The following RARA variants were observed in gnomAD, a reference collection of about 807,000 sequenced individuals.
RARA encodes the protein retinoic acid receptor alpha.
Under a neutral mutation model 42.8 loss-of-function variants are expected in RARA, and 5 were observed. The ratio of observed to expected loss-of-function variants is 0.12; its 90% CI spans 0.06 to 0.25. The LOEUF (loss-of-function observed/expected upper bound fraction) is 0.25, where lower values mean the gene tolerates loss of function less well. Among genes scored for constraint, RARA ranks in the 10% least tolerant of loss-of-function variants. The pLI is 1.00. For missense variants in RARA, 402 were observed against 628.7 expected, an observed-to-expected ratio of 0.64 and a Z score of 3.86; for synonymous variants, 256 against 259.5, an observed-to-expected ratio of 0.99 and a Z score of 0.13.
intron 1 of RARA, among the ~76,000 whole-genome samples, chr17:40,330,384 G>T (rs1224773384): frequency 6.6e-6 from 1 of 152,158 alleles, no homozygotes; most frequent in African/African-American, 2.4e-5. Flanking sequence ...TTGGATCTGG[G>T]GGGGAAGTGG....
At chr17:40,317,773 C>CA (rs1025540518) in intron 1 of RARA, among the ~76,000 whole-genome samples, 2 of 151,722 alleles carry the variant, frequency 1.3e-5, no homozygotes, top group Non-Finnish European at 2.9e-5. Flanking sequence ...CAAGGTCACA[C>CA]AGCTCTCAGT....
chr17:40,353,282 G>C (rs560473437), intron 6 of RARA, among the ~76,000 whole-genome samples: 1 of 152,028 alleles, frequency 6.6e-6, no homozygotes, highest in Non-Finnish European at 1.5e-5. Context: ...TGGGCTGGAG[G>C]CTGGATGCAG....
chr17:40,333,012 ACTGT>A (rs1302426782), intron 2 of RARA, among the ~76,000 whole-genome samples: 10 of 152,244 alleles, frequency 6.6e-5, no homozygotes, highest in East Asian at 5.8e-4. Context: ...GAACTAGAAG[ACTGT>A]CTGCTTCCTG....
At chr17:40,341,440 C>T (rs2034033092) in intron 2 of RARA, 2 of 1,525,332 alleles carry the variant, frequency 1.3e-6, no homozygotes, top group South Asian at 2.5e-5. Context: ...GACACAGCGT[C>T]CGAGCTGCAC....
In RARA at chr17:40,351,532, G is replaced by A. The variant is rs1598583676; in HGVS notation, c.470-378G>A. ...GGGAGACTGCAGCTGGGAGGGCTGGGTGAGTGGAGGCGGGAGAAGGACCTT... is the reference window on the plus strand; with the variant it reads ...GGGAGACTGCAGCTGGGAGGGCTGGATGAGTGGAGGCGGGAGAAGGACCTT... On this transcript the variant is annotated intron_variant, in intron 4 of 8. Transcript: ENST00000254066. This position sits in a 1 kb window ranked among gnomAD's most constrained non-coding sequence, Gnocchi z 4.1. The A allele has an allele frequency of 2.1e-6, 1 of 473,860 alleles. No individual in the cohort carries two copies. Among genetic ancestry groups the A allele is most frequent in the South Asian group, 1.6e-5 (1 of 63,982 alleles). The allele number at this position is 473,860 out of a possible 1,614,324, so 29.4% of individuals were successfully genotyped here. A position where few individuals can be genotyped will look rare whatever the true frequency, so the allele number is the denominator to read the frequency against.
chr17:40,313,903 C>T (rs1319586491), intron 1 of RARA, among the ~76,000 whole-genome samples: 6 of 152,098 alleles, frequency 3.9e-5, no homozygotes, highest in Admixed American at 3.9e-4. Flanking sequence ...TGTCAACTCT[C>T]CTTGGGCCCC....
chr17:40,346,974 C>T (rs964731398), intron 2 of RARA, among the ~76,000 whole-genome samples: 16 of 152,240 alleles, frequency 1.1e-4, no homozygotes, highest in African/African-American at 3.9e-4. Flanking sequence ...CATCAGCCGC[C>T]TAGCAGCCCC....
At chr17:40,310,396 G>A (rs938540233) in intron 1 of RARA, among the ~76,000 whole-genome samples, 12 of 151,946 alleles carry the variant, frequency 7.9e-5, no homozygotes, top group Non-Finnish European at 1.3e-4. Context: ...TAGTAGACTG[G>A]GGAGGGGGGT....
At chr17:40,349,652 G>A in intron 3 of RARA, 132 bp from the exon 4 acceptor site, 1 of 1,160,776 alleles carries the variant, frequency 8.6e-7, no homozygotes. Context: ...TTTCTGGCCT[G>A]CTCAGGTAGG....
chr17:40,342,627 CG>C, intron 2 of RARA: 1 of 1,537,472 alleles, frequency 6.5e-7, no homozygotes, highest in South Asian at 1.2e-5. Flanking sequence ...CTGCTCTGCT[CG>C]GATGGCGCCG....
chr17:40,352,673 G>A lies in RARA; in HGVS notation c.807+166G>A, dbSNP rs552647733. Among the ~76,000 whole-genome samples, 221 of 152,064 alleles carry A rather than the reference G, an allele frequency of 1.5e-3. No homozygotes were observed. The highest frequency in any genetic ancestry group is 2.8e-3 in the Non-Finnish European group (193 of 67,968). On this transcript the variant is annotated intron_variant, in intron 6 of 8. Transcript: ENST00000254066. This position sits in a 1 kb window ranked among gnomAD's most constrained non-coding sequence, Gnocchi z 4.9. The stretch of plus-strand genomic sequence containing the variant: ...TCCCCATATGTCCACCTGTCCACTC[G>A]TCTCCCTGTCCACTCAGCCACCTAG...
intron 2 of RARA, among the ~76,000 whole-genome samples, chr17:40,347,206 G>A (rs1019093657): frequency 1.3e-5 from 2 of 152,194 alleles, no homozygotes; most frequent in African/African-American, 4.8e-5. Context: ...TGGAATATGG[G>A]AGGAGGCAGG....
In RARA at chr17:40,345,561, C is replaced by A. The variant is rs1172835844; in HGVS notation, c.179-2755C>A. ...CAGGATGGGGAGCGAGGGAGGGGCA[C>A]CCTGGCAGCGTCGGCGGGAGGGGAC... On this transcript the variant is annotated intron_variant, in intron 2 of 8. Coordinates refer to ENST00000254066, the MANE Select transcript of RARA (RefSeq NM_000964.4). This position sits in a 1 kb window ranked among gnomAD's most constrained non-coding sequence, Gnocchi z 4.8. Among the ~76,000 whole-genome samples, 1 of 152,186 alleles carries A rather than the reference C, an allele frequency of 6.6e-6. No homozygotes were observed. Among genetic ancestry groups the A allele is most frequent in the Admixed American group, 6.5e-5 (1 of 15,292 alleles).
At chr17:40,325,857 T>G (rs975397832) in intron 1 of RARA, among the ~76,000 whole-genome samples, 2 of 152,144 alleles carry the variant, frequency 1.3e-5, no homozygotes, top group Non-Finnish European at 2.9e-5. Flanking sequence ...ACAGAGAGAA[T>G]GAATGAGGAA....
chr17:40,357,134 C>T lies in RARA; in HGVS notation c.*908C>T, dbSNP rs946040993. On this transcript the variant is annotated 3_prime_UTR_variant, in exon 9 of 9. Coordinates refer to ENST00000254066, the MANE Select transcript of RARA (RefSeq NM_000964.4). ...CCTGCACCCACCATGAGGCATGGAGCAGGGCAGAGCAAGGGCCCCGGGACA... is the reference window on the plus strand; with the variant it reads ...CCTGCACCCACCATGAGGCATGGAGTAGGGCAGAGCAAGGGCCCCGGGACA... 4.8e-5 allele frequency: 12 copies of T among 251,654 alleles called. No individual in the cohort carries two copies. The highest frequency in any genetic ancestry group is 1.2e-3 in the Middle Eastern group (1 of 860). The allele number at this position is 251,654 out of a possible 1,614,324, so 15.6% of individuals were successfully genotyped here.
chr17:40,325,606 C>T (rs895684134), intron 1 of RARA, among the ~76,000 whole-genome samples: 2 of 152,220 alleles, frequency 1.3e-5, no homozygotes, highest in South Asian at 2.1e-4. Flanking sequence ...CAGCTCCTGG[C>T]GGGACAGGGG....
chr17:40,352,286 G>T lies in RARA; in HGVS notation c.631-45G>T, dbSNP rs760882539. On this transcript the variant is annotated intron_variant, in intron 5 of 8. Transcript: ENST00000254066. This position sits in a 1 kb window ranked among gnomAD's most constrained non-coding sequence, Gnocchi z 4.9. ...GTGGGGGCTGGAGCCAGGCTGAGAAGGGGTGCCATGGAGAAGAAGGCCCTC... is the reference window on the plus strand; with the variant it reads ...GTGGGGGCTGGAGCCAGGCTGAGAATGGGTGCCATGGAGAAGAAGGCCCTC... 6.4e-7 allele frequency: 1 copy of T among 1,554,864 alleles called. No individual in the cohort carries two copies. Among genetic ancestry groups the T allele is most frequent in the Non-Finnish European group, 8.7e-7 (1 of 1,147,326 alleles).
chr17:40,340,423 C>G (rs1247527586), intron 2 of RARA, among the ~76,000 whole-genome samples: 1 of 152,156 alleles, frequency 6.6e-6, no homozygotes, highest in Non-Finnish European at 1.5e-5. Context: ...GGCCTGAGCC[C>G]ACCTCTCTAG....
rs1342935550 is a variant in RARA at position 40,356,563 on chromosome 17, A to G, written c.*337A>G. Reference sequence around the variant, plus strand: ...GCTCACCACATCTTCATCACCAGCAAACGCCAGGACTTGGCTCCCCCATCC... The same window carrying G: ...GCTCACCACATCTTCATCACCAGCAGACGCCAGGACTTGGCTCCCCCATCC... On this transcript the variant is annotated 3_prime_UTR_variant, in exon 9 of 9. Transcript: ENST00000254066. 3 of 581,206 alleles carry G rather than the reference A, an allele frequency of 5.2e-6. No individual in the cohort carries two copies. Among genetic ancestry groups the G allele is most frequent in the East Asian group, 7.2e-5 (2 of 27,702 alleles). The allele number at this position is 581,206 out of a possible 1,614,324, so 36.0% of individuals were successfully genotyped here.
Sources: gnomAD v4.1 joint callset for allele counts (sites outside exome capture counted in the v4.1 genomes callset) on GRCh38, gnomAD v4.1.1 for gene constraint, Gnocchi (gnomAD v3.1) non-coding constraint, MANE v1.5 for transcripts, NCBI Gene and HGNC (gene_info 2026-07-23, HGNC 2026-07-21) for gene names.